DCDC1: variants seen among roughly 807,000 people sequenced by gnomAD.
The protein encoded by DCDC1 is doublecortin domain containing 1.
A neutral mutation model predicts 178.3 loss-of-function variants in DCDC1; 200 were observed. The ratio of observed to expected loss-of-function variants is 1.12; its 90% confidence interval spans 1.00 to 1.26. DCDC1 has a LOEUF of 1.26. Ranked by LOEUF, DCDC1 falls within the 50% of genes most tolerant of loss-of-function variation. The probability of loss-of-function intolerance (pLI) is 0.00; values close to 1 mark genes in which losing one functional copy is unlikely to be tolerated. For synonymous variants in DCDC1, 690 were observed against 604.8 expected, an observed-to-expected ratio of 1.14 and a Z score of -2.07; for missense variants, 1,983 against 1,749.2, an observed-to-expected ratio of 1.13 and a Z score of -2.38.
chr11:31,055,983 C>G, intron 20 of DCDC1, among the ~76,000 whole-genome samples: 1 of 152,020 alleles, frequency 6.6e-6, no homozygotes, highest in East Asian at 1.9e-4. Flanking sequence ...ACCACCTGTA[C>G]CCTAATAAAT....
chr11:31,117,141 T>C (rs1164105419), intron 11 of DCDC1, among the ~76,000 whole-genome samples: 2 of 152,130 alleles, frequency 1.3e-5, no homozygotes, highest in Admixed American at 6.6e-5. Context: ...GGGGAAATTA[T>C]ATTCAGCCTC....
At chr11:31,202,644 A>T (rs1403340087) in intron 9 of DCDC1, among the ~76,000 whole-genome samples, 1 of 152,200 alleles carries the variant, frequency 6.6e-6, no homozygotes, top group Admixed American at 6.5e-5. Flanking sequence ...TAACAGTAAG[A>T]TAAAATCAAA....
At chr11:31,107,893 T>C (rs992470850) in intron 12 of DCDC1, among the ~76,000 whole-genome samples, 2 of 152,196 alleles carry the variant, frequency 1.3e-5, no homozygotes, top group Admixed American at 6.5e-5. Context: ...TATCCTGTAA[T>C]CCCTGCAGGG....
chr11:30,900,013 A>T (rs1035929111), intron 33 of DCDC1, among the ~76,000 whole-genome samples: 34 of 152,258 alleles, frequency 2.2e-4, no homozygotes, highest in African/African-American at 7.2e-4. Context: ...ATGTGCAGAC[A>T]GGTCGTCCTC....
intron 9 of DCDC1, among the ~76,000 whole-genome samples, chr11:31,204,189 T>C (rs908614188): frequency 1.3e-5 from 2 of 152,172 alleles, no homozygotes; most frequent in Non-Finnish European, 2.9e-5. Flanking sequence ...CCATTGGTAG[T>C]ACATATGCCA....
intron 8 of DCDC1, among the ~76,000 whole-genome samples, chr11:31,243,739 C>T (rs1977473546): frequency 6.6e-6 from 1 of 151,764 alleles, no homozygotes; most frequent in Non-Finnish European, 1.5e-5. Context: ...TCCCATGTTC[C>T]ACATGATTTA....
chr11:31,036,035 C>T (rs1954004130), intron 20 of DCDC1, among the ~76,000 whole-genome samples: 1 of 152,216 alleles, frequency 6.6e-6, no homozygotes, highest in East Asian at 1.9e-4. Flanking sequence ...TTCAACATGC[C>T]CCCATTTTAT....
At chr11:30,953,080 T>A (rs1948530327) in intron 20 of DCDC1, among the ~76,000 whole-genome samples, 1 of 151,776 alleles carries the variant, frequency 6.6e-6, no homozygotes. Flanking sequence ...AGAACATATC[T>A]TTCTCAACAA....
At chr11:31,186,305 G>T (rs2136318069) in intron 9 of DCDC1, among the ~76,000 whole-genome samples, 1 of 152,210 alleles carries the variant, frequency 6.6e-6, no homozygotes, top group South Asian at 2.1e-4. Flanking sequence ...TTTTGCACTA[G>T]CTGTTCCTTA....
At chr11:31,296,893 C>G (rs1947726152) in intron 6 of DCDC1, among the ~76,000 whole-genome samples, 1 of 152,098 alleles carries the variant, frequency 6.6e-6, no homozygotes, top group Admixed American at 6.5e-5. Flanking sequence ...TCCCACAAGG[C>G]GTCTCCCCCA....
chr11:31,075,775 T>C (rs1956828871), intron 18 of DCDC1, among the ~76,000 whole-genome samples: 1 of 152,230 alleles, frequency 6.6e-6, no homozygotes, highest in African/African-American at 2.4e-5. Flanking sequence ...TCCTTGTAAA[T>C]TCTAGACATT....
chr11:31,290,684 C>T lies in DCDC1; in HGVS notation c.923G>A (p.Gly308Glu), dbSNP rs1225204688. The T allele has an allele frequency of 5.0e-6, 8 of 1,613,002 alleles. No individual in the cohort carries two copies. In the South Asian group the frequency reaches 5.5e-5, roughly 11 times the overall value. The change falls in exon 7 of 39, where the codon GGG becomes GAG. Residue 308 changes from glycine to glutamate, a missense_variant. Physicochemically the swap from Gly to Glu is moderately conservative, Grantham distance 98. Coordinates refer to ENST00000684477, the MANE Select transcript of DCDC1 (RefSeq NM_001387274.1). ...TTCTTTTCCCACTGTAATCTCATGC[C>T]CATCCTGCCCCATGCCATTCTTAAA... ...LFFKNGMGQD[G>E]HEITVGKETM...
Position 31,135,651 on chromosome 11 carries a change from T to C in DCDC1, c.1314+2041A>G, listed in dbSNP as rs77331656. On this transcript the variant is annotated intron_variant, in intron 10 of 38. Coordinates refer to ENST00000684477, the MANE Select transcript of DCDC1 (RefSeq NM_001387274.1). ...GTACACACACATATGAACATACACA[T>C]ACATGAATATGTATTCTCCTCGCTG... is the stretch of plus-strand genomic sequence containing the variant. Among the ~76,000 whole-genome samples the C allele has an allele frequency of 2.6e-5, 4 of 152,292 alleles. No individual in the cohort carries two copies. In the East Asian group the frequency reaches 7.7e-4, roughly 29 times the overall value.
At chr11:30,994,500 C>T (rs1373192102) in intron 20 of DCDC1, among the ~76,000 whole-genome samples, 1 of 149,406 alleles carries the variant, frequency 6.7e-6, no homozygotes, top group Non-Finnish European at 1.5e-5. Context: ...CCATGTTGCC[C>T]AGGCTGGTCT....
chr11:30,887,874 T>C (rs1165270092), intron 36 of DCDC1, among the ~76,000 whole-genome samples: 1 of 151,504 alleles, frequency 6.6e-6, no homozygotes, highest in Non-Finnish European at 1.5e-5. Flanking sequence ...CCAAGCATTG[T>C]GGTGCAAGCC....
intron 1 of DCDC1, among the ~76,000 whole-genome samples, chr11:31,363,720 A>G (rs1204923220): frequency 3.9e-5 from 6 of 152,200 alleles, no homozygotes; most frequent in Admixed American, 3.9e-4. Flanking sequence ...TAACCCACAA[A>G]TTAACACCCC....
At chr11:30,927,291 C>T (rs1946646848) in intron 22 of DCDC1, among the ~76,000 whole-genome samples, 1 of 151,682 alleles carries the variant, frequency 6.6e-6, no homozygotes, top group South Asian at 2.1e-4. Flanking sequence ...CTGCATGTGG[C>T]TTTCTGATTG....
intron 3 of DCDC1, among the ~76,000 whole-genome samples, chr11:31,315,678 A>C (rs1315145132): frequency 1.7e-5 from 2 of 120,012 alleles, no homozygotes; most frequent in African/African-American, 6.9e-5. Flanking sequence ...ATTAAACTCT[A>C]AGTTTTAGGG....
chr11:31,234,893 C>T (rs920142271), intron 9 of DCDC1, among the ~76,000 whole-genome samples: 2 of 152,168 alleles, frequency 1.3e-5, no homozygotes, highest in Admixed American at 6.5e-5. Context: ...CACTTTGCTG[C>T]TGTAACTCTA....
Sources: gnomAD v4.1 joint callset for allele counts (sites outside exome capture counted in the v4.1 genomes callset) on GRCh38, gnomAD v4.1.1 for gene constraint, MANE v1.5 for transcripts, NCBI Gene and HGNC (gene_info 2026-07-23, HGNC 2026-07-21) for gene names.